VPS13C: variants seen among roughly 807,000 people sequenced by gnomAD.
VPS13C encodes intermembrane lipid transfer protein VPS13C.
VPS13C carries 358 observed loss-of-function variants against 456.8 expected under a neutral mutation model. The ratio of observed to expected loss-of-function variants is 0.78; its 90% CI spans 0.72 to 0.86. The LOEUF is 0.86. VPS13C is among the 40% of genes least tolerant of loss of function. VPS13C has a pLI of 0.00. For synonymous variants in VPS13C, 1,578 were observed against 1,486.7 expected (o/e 1.06, Z -1.41); for missense variants, 4,818 against 4,385.4 (o/e 1.10, Z -2.79).
At chr15:62,042,823 A>C (rs1016874799) in intron 2 of VPS13C, among the ~76,000 whole-genome samples, 13 of 152,140 alleles carry the variant, frequency 8.5e-5, no homozygotes, top group South Asian at 4.1e-4. Context: ...GTAAATGACA[A>C]GTCAAAGGGT....
intron 83 of VPS13C, 31 bp from the exon 84 acceptor site, chr15:61,854,985 A>T: frequency 6.4e-7 from 1 of 1,560,408 alleles, no homozygotes; most frequent in Non-Finnish European, 8.6e-7. Flanking sequence ...ACAGAAAAGA[A>T]ATTATTCTGA....
rs148613211 is a variant in VPS13C, at chr15:62,053,175, G to A, written c.100+7100C>T. On this transcript the variant is annotated intron_variant, in intron 1 of 84. Coordinates refer to ENST00000644861, the MANE Select transcript of VPS13C (RefSeq NM_020821.3). ...TTATTGTTTACTTTTATATGCCATA[G>A]GACAAGCTAATGAGAAATGTGGCCT... Among the ~76,000 whole-genome samples, 1,236 of 152,126 alleles carry A rather than the reference G, an allele frequency of 8.1e-3. 13 individuals carry two copies. The highest frequency in any genetic ancestry group is 0.028 in the African/African-American group (1,175 of 41,476).
intron 67 of VPS13C, among the ~76,000 whole-genome samples, chr15:61,887,409 T>C (rs1174578108): frequency 6.6e-6 from 1 of 152,210 alleles, no homozygotes; most frequent in Non-Finnish European, 1.5e-5. Flanking sequence ...TGGACATCCA[T>C]ATGCAATAAA....
rs917599870 is a variant in VPS13C at position 62,014,202 on chromosome 15, T to C, written c.685-210A>G. ...TTGACATGATTCTAATTTGAGTTCA[T>C]TCATTCAGAAAATAATTACTGGGTT... On this transcript the variant is annotated intron_variant, in intron 9 of 84. Coordinates refer to ENST00000644861, the MANE Select transcript of VPS13C (RefSeq NM_020821.3). Among the ~76,000 whole-genome samples the C allele has an allele frequency of 1.3e-4, 20 of 152,146 alleles. No individual in the cohort carries two copies. The East Asian group carries it at 2.7e-3, about 20-fold the overall frequency.
chr15:61,930,838 T>C (rs2044030541), intron 50 of VPS13C, among the ~76,000 whole-genome samples: 1 of 152,242 alleles, frequency 6.6e-6, no homozygotes, highest in African/African-American at 2.4e-5. Context: ...TGGATTTAAC[T>C]ATTAAAACTC....
intron 66 of VPS13C, 77 bp downstream of exon 66, chr15:61,907,186 AG>A: frequency 6.2e-7 from 1 of 1,600,036 alleles, no homozygotes. Context: ...AATTAGGACA[AG>A]GAGTCAGTGA....
At chr15:62,002,700 G>GAC (rs978416095) in intron 15 of VPS13C, among the ~76,000 whole-genome samples, 1 of 99,114 alleles carries the variant, frequency 1.0e-5, no homozygotes, top group African/African-American at 3.7e-5. Flanking sequence ...TTTTGTATAA[G>GAC]GTGTAAGGAA....
At chr15:61,950,779 G>A (rs572053820) in intron 40 of VPS13C, among the ~76,000 whole-genome samples, 166 bp downstream of exon 40, 1 of 152,076 alleles carries the variant, frequency 6.6e-6, no homozygotes, top group Admixed American at 6.5e-5. Context: ...GGGTAACTCA[G>A]AAGGTTAATG....
intron 3 of VPS13C, among the ~76,000 whole-genome samples, chr15:62,036,857 A>T (rs1273346805): frequency 6.6e-6 from 1 of 151,724 alleles, no homozygotes; most frequent in Admixed American, 6.6e-5. Context: ...CGGGTAACTC[A>T]AGGGCACCCA....
chr15:61,964,565 C>T (rs2045320688), intron 31 of VPS13C, 134 bp downstream of exon 31: 1 of 825,724 alleles, frequency 1.2e-6, no homozygotes, highest in Non-Finnish European at 1.8e-6. Flanking sequence ...ATCAGGTGCT[C>T]GCATATAATT....
At chr15:61,865,850 G>A (rs1894546118) in intron 81 of VPS13C, 7 of 930,456 alleles carry the variant, frequency 7.5e-6, no homozygotes, top group Non-Finnish European at 9.0e-6. Context: ...ACATCTCATG[G>A]AAATATAATA....
rs1440333956 is a variant in VPS13C at position 61,873,304 on chromosome 15, C to T, written c.10520G>A (p.Ser3507Asn). 1 of 1,613,746 alleles carries T rather than the reference C, an allele frequency of 6.2e-7. No homozygotes were observed. Among genetic ancestry groups the T allele is most frequent in the South Asian group, 1.1e-5 (1 of 91,052 alleles). Residue 3507 changes from serine (S) to asparagine (N), a missense_variant, in exon 78 of 85, where the codon AGT becomes AAT. Coordinates refer to ENST00000644861, the MANE Select transcript of VPS13C (RefSeq NM_020821.3). ...EYQQKRREEL[S>N]RQPRDFGDSL... ...GTCTCCAAAATCTCTGGGCTGTCGA[C>T]TCAACTCTTCTCTTCTTTTTTGCTG... is the stretch of plus-strand genomic sequence containing the variant.
chr15:61,962,251 T>C, intron 34 of VPS13C, 120 bp downstream of exon 34: 2 of 872,256 alleles, frequency 2.3e-6, no homozygotes, highest in Non-Finnish European at 3.4e-6. Flanking sequence ...CATTCACGCA[T>C]AAATATAATT....
intron 1 of VPS13C, among the ~76,000 whole-genome samples, chr15:62,058,005 T>C (rs1405460504): frequency 6.6e-6 from 1 of 152,200 alleles, no homozygotes; most frequent in Non-Finnish European, 1.5e-5. Context: ...CTAAAGTAAA[T>C]ATGGCATAAT....
chr15:62,028,121 C>T lies in VPS13C; in HGVS notation c.448+237G>A, dbSNP rs534960333. On this transcript the variant is annotated intron_variant, in intron 6 of 84. Transcript: ENST00000644861. ...AAGAACAGTGAATCATGTTTGTTTA[C>T]CCCACAAACATCCAGCATCATCCAG... Among the ~76,000 whole-genome samples, 15 of 152,092 alleles carry T rather than the reference C, an allele frequency of 9.9e-5. 1 individual carries two copies. The South Asian group carries it at 2.9e-3, about 29-fold the overall frequency.
In VPS13C at chr15:61,991,882, A is replaced by G. The variant is rs1284751289; in HGVS notation, c.1354-80T>C. 5 of 1,466,052 alleles carry G rather than the reference A, an allele frequency of 3.4e-6. No individual in the cohort carries two copies. The East Asian group carries it at 1.2e-4, about 34-fold the overall frequency. The allele number at this position is 1,466,052 out of a possible 1,614,324, so 90.8% of individuals were successfully genotyped here. A position where few individuals can be genotyped will look rare whatever the true frequency, so the allele number is the denominator to read the frequency against. ...AGGTGTAGCCTGGGAAAAAAAAACA[A>G]TGGTTCTTTTTTTTTTTTTAACGCT... is the stretch of plus-strand genomic sequence containing the variant. On this transcript the variant is annotated intron_variant, in intron 16 of 84. Coordinates refer to ENST00000644861, the MANE Select transcript of VPS13C (RefSeq NM_020821.3).
chr15:62,014,587 T>C (rs1244955235), intron 9 of VPS13C, among the ~76,000 whole-genome samples: 2 of 151,992 alleles, frequency 1.3e-5, no homozygotes, highest in African/African-American at 4.8e-5. Flanking sequence ...CAAAGAAAAA[T>C]AAATGGTATG....
chr15:61,854,553 T>G lies in VPS13C; in HGVS notation c.11166A>C (p.Ala3722=), dbSNP rs1386041751. 1 of 1,613,978 alleles carries G rather than the reference T, an allele frequency of 6.2e-7. No homozygotes were observed. Among genetic ancestry groups the G allele is most frequent in the Non-Finnish European group, 8.5e-7 (1 of 1,179,848 alleles). ...ACTGTGCATCCTCAATGGCATTACA[T>G]GCTCTCTGTAAAGTAAAATACTTAT... The part of the protein sequence containing the change: ...YLKDTATAER[A]CNAIEDAQST... The change falls in exon 85 of 85, where the codon GCA becomes GCC. Residue 3722 remains alanine, a synonymous_variant. Transcript: ENST00000644861.
At chr15:61,876,772 C>G (rs1401592061) in intron 75 of VPS13C, among the ~76,000 whole-genome samples, 2 of 151,788 alleles carry the variant, frequency 1.3e-5, no homozygotes, top group African/African-American at 4.8e-5. Context: ...AAAAAAGGAA[C>G]TGGAGGAAAA....
Sources: allele counts gnomAD v4.1 joint callset (sites outside exome capture counted in the v4.1 genomes callset), GRCh38; gene constraint gnomAD v4.1.1; transcripts MANE v1.5; gene names NCBI Gene and HGNC (gene_info 2026-07-23, HGNC 2026-07-21).